The following DAAM1 variants were observed in gnomAD, a reference collection of about 807,000 sequenced individuals.
DAAM1 encodes dishevelled associated activator of morphogenesis 1.
DAAM1 carries 52 observed loss-of-function variants against 130.0 expected under a neutral mutation model. The observed-to-expected ratio is 0.40, with a 90% CI of 0.32 to 0.50. DAAM1 has a LOEUF of 0.50. DAAM1 is among the 20% of genes least tolerant of loss of function. The probability of loss-of-function intolerance (pLI) is 0.61; values close to 1 mark genes in which losing one functional copy is unlikely to be tolerated. For missense variants in DAAM1, 1,134 were observed against 1,303.8 expected, an observed-to-expected ratio of 0.87 and a Z score of 2.01; for synonymous variants, 452 against 444.5, an observed-to-expected ratio of 1.02 and a Z score of -0.21.
chr14:59,361,300 A>G (rs1287797608), intron 22 of DAAM1, among the ~76,000 whole-genome samples: 6 of 152,200 alleles, frequency 3.9e-5, no homozygotes, highest in Admixed American at 3.9e-4. Flanking sequence ...CAGACAGTGT[A>G]GTACATGCTC....
At chr14:59,207,062 A>T (rs540979489) in intron 1 of DAAM1, among the ~76,000 whole-genome samples, 1 of 152,350 alleles carries the variant, frequency 6.6e-6, no homozygotes, top group East Asian at 1.9e-4. Context: ...TAATTCATTA[A>T]TTAATGAGGG....
intron 2 of DAAM1, among the ~76,000 whole-genome samples, chr14:59,282,145 G>T (rs558938534): frequency 6.6e-6 from 1 of 152,164 alleles, no homozygotes; most frequent in Non-Finnish European, 1.5e-5. Context: ...TAACAAGTGG[G>T]CTCTCAGAAC....
chr14:59,267,872 A>T (rs1175277830), intron 2 of DAAM1, among the ~76,000 whole-genome samples: 1 of 149,752 alleles, frequency 6.7e-6, no homozygotes, highest in East Asian at 2.0e-4. Context: ...TTGCCTAATA[A>T]TATTCCATTA....
intron 1 of DAAM1, among the ~76,000 whole-genome samples, chr14:59,203,130 T>C (rs1888159914): frequency 6.6e-6 from 1 of 150,386 alleles, no homozygotes; most frequent in Non-Finnish European, 1.5e-5. Flanking sequence ...TAGTTAGGAC[T>C]ACAGGCACCC....
chr14:59,315,472 C>T, intron 4 of DAAM1, 121 bp downstream of exon 4: 1 of 884,744 alleles, frequency 1.1e-6, no homozygotes, highest in Non-Finnish European at 1.8e-6. Flanking sequence ...TTTCCAAACT[C>T]CATCCTAAAC....
chr14:59,327,062 G>GA, intron 12 of DAAM1, 71 bp downstream of exon 12: 2 of 1,552,222 alleles, frequency 1.3e-6, no homozygotes, highest in Non-Finnish European at 1.8e-6. Flanking sequence ...ATATATTTTG[G>GA]AAATTTACAT....
At chr14:59,291,162 C>G in intron 2 of DAAM1, 55 bp from the exon 3 acceptor site, 1 of 1,398,968 alleles carries the variant, frequency 7.1e-7, no homozygotes. Context: ...TGATAACGTT[C>G]TCTACAGGAA....
At position 59,359,360 on chromosome 14, in the gene DAAM1, T is replaced by C. The variant is rs1023284113; in HGVS notation, c.2526-37T>C. 6 of 1,442,890 alleles carry C rather than the reference T, an allele frequency of 4.2e-6. No individual in the cohort carries two copies. In the African/African-American group the frequency reaches 4.3e-5, roughly 10 times the overall value. 89.4% of individuals were successfully genotyped at this position (1,442,890 alleles called of 1,614,324 possible). ...ATTTATGTAGTTTAAATGAAAATAA[T>C]TTGAATGTTTAATACTCTTCCCTTC... is the stretch of plus-strand genomic sequence containing the variant. On this transcript the variant is annotated intron_variant, in intron 20 of 24. Transcript: ENST00000360909.
chr14:59,217,299 A>T (rs914827098), intron 1 of DAAM1, among the ~76,000 whole-genome samples: 1 of 152,140 alleles, frequency 6.6e-6, no homozygotes, highest in Non-Finnish European at 1.5e-5. Flanking sequence ...TTTATCAAGC[A>T]CCATCACCAT....
intron 15 of DAAM1, among the ~76,000 whole-genome samples, chr14:59,332,698 G>T (rs1272019145): frequency 1.3e-5 from 2 of 152,172 alleles, no homozygotes; most frequent in African/African-American, 4.8e-5. Flanking sequence ...AGGTGGCCAG[G>T]TCTGGAGAGT....
intron 3 of DAAM1, among the ~76,000 whole-genome samples, chr14:59,311,404 G>T (rs555011011): frequency 6.6e-6 from 1 of 152,152 alleles, no homozygotes; most frequent in Admixed American, 6.5e-5. Flanking sequence ...GATGCTGAAG[G>T]GTCTTGATGC....
chr14:59,223,681 C>G (rs2139431342), intron 1 of DAAM1, among the ~76,000 whole-genome samples: 1 of 152,344 alleles, frequency 6.6e-6, no homozygotes, highest in Admixed American at 6.5e-5. Context: ...GCTAGAGTAA[C>G]ACGCCCAAAT....
At chr14:59,225,085 T>G (rs1182789252) in intron 1 of DAAM1, among the ~76,000 whole-genome samples, 84 of 134,438 alleles carry the variant, frequency 6.2e-4, no homozygotes, top group Non-Finnish European at 4.6e-5. Context: ...TGGAGTGCAG[T>G]GGCATAATCT....
chr14:59,352,991 C>CA (rs34084858), intron 18 of DAAM1, among the ~76,000 whole-genome samples: 118 of 129,524 alleles, frequency 9.1e-4, no homozygotes, highest in Admixed American at 1.7e-3. Context: ...GGTTGTAAAA[C>CA]AAAAAAAAAA....
chr14:59,365,488 T>TA (rs5809029), intron 23 of DAAM1, among the ~76,000 whole-genome samples: 135,339 of 152,198 alleles, frequency 0.89, 60,305 homozygotes, highest in East Asian at 0.98. Flanking sequence ...TCCAAATAAG[T>TA]AAACATTGAA....
intron 3 of DAAM1, chr14:59,291,554 A>T (rs1368988933): frequency 3.5e-5 from 15 of 430,734 alleles, no homozygotes; most frequent in Non-Finnish European, 5.8e-5. Context: ...ACCCAAAATA[A>T]CGTTTGCTTA....
intron 1 of DAAM1, among the ~76,000 whole-genome samples, chr14:59,261,045 AT>A (rs1283994626): frequency 6.6e-6 from 1 of 152,140 alleles, no homozygotes; most frequent in Non-Finnish European, 1.5e-5. Context: ...CCATTGGCAG[AT>A]TTTTCAGCAG....
intron 1 of DAAM1, among the ~76,000 whole-genome samples, chr14:59,191,530 C>G (rs190032580): frequency 2.0e-5 from 3 of 152,062 alleles, no homozygotes; most frequent in African/African-American, 7.2e-5. Context: ...TAATATTCCC[C>G]TTAGCTTTTC....
intron 1 of DAAM1, among the ~76,000 whole-genome samples, chr14:59,194,651 A>G (rs1475970602): frequency 6.6e-6 from 1 of 152,252 alleles, no homozygotes; most frequent in East Asian, 1.9e-4. Context: ...TCTTTTGAAA[A>G]GAAAATAATG....
Sources: allele counts gnomAD v4.1 joint callset (sites outside exome capture counted in the v4.1 genomes callset), GRCh38; gene constraint gnomAD v4.1.1; transcripts MANE v1.5; gene names NCBI Gene and HGNC (gene_info 2026-07-23, HGNC 2026-07-21).